ATP2C1: variants seen among roughly 807,000 people sequenced by gnomAD.
The protein encoded by ATP2C1 is calcium-transporting ATPase type 2C member 1.
In ATP2C1, 31 loss-of-function variants were observed where a neutral mutation model predicts 120.5. The observed-to-expected ratio is 0.26, with a 90% CI of 0.19 to 0.35. The LOEUF (loss-of-function observed/expected upper bound fraction) is 0.35, where lower values mean the gene tolerates loss of function less well. Ranked by LOEUF, ATP2C1 falls within the 10% of genes least tolerant of loss-of-function variation. The pLI, the probability that ATP2C1 is intolerant of heterozygous loss-of-function variation, is 1.00. For synonymous variants in ATP2C1, 351 were observed against 358.7 expected (o/e 0.98, Z 0.24); for missense variants, 731 against 1,107.5 (o/e 0.66, Z 4.83).
At position 130,999,512 on chromosome 3, in the gene ATP2C1, C is replaced by T. The variant is rs773388844; in HGVS notation, c.2488-6C>T. The T allele has an allele frequency of 8.7e-6, 14 of 1,613,206 alleles. No homozygotes were observed. Among genetic ancestry groups the T allele is most frequent in the Admixed American group, 5.0e-5 (3 of 59,992 alleles). The stretch of plus-strand genomic sequence containing the variant: ...GTAATAAATGAACTCTCTGCTCTGC[C>T]AACAGACCAAGTCTGTGTTTGAGAT... On this transcript the variant is annotated splice_polypyrimidine_tract_variant and splice_region_variant and intron_variant, in intron 26 of 27. Transcript: ENST00000510168.
chr3:130,903,036 C>T (rs1176188834), intron 2 of ATP2C1, among the ~76,000 whole-genome samples: 1 of 151,882 alleles, frequency 6.6e-6, no homozygotes, highest in African/African-American at 2.4e-5. Context: ...GGAAAAAAAC[C>T]GGTTTACTCT....
intron 8 of ATP2C1, among the ~76,000 whole-genome samples, chr3:130,946,229 AGTT>A (rs1394510619): frequency 6.6e-6 from 1 of 152,228 alleles, no homozygotes; most frequent in East Asian, 1.9e-4. Context: ...TTCTATTAGG[AGTT>A]AGGGTCTAAC....
chr3:130,975,768 G>A (rs924419803), intron 18 of ATP2C1, among the ~76,000 whole-genome samples: 1 of 152,138 alleles, frequency 6.6e-6, no homozygotes, highest in African/African-American at 2.4e-5. Flanking sequence ...TATGAGAAGG[G>A]AAATGGATCG....
At position 130,894,443 on chromosome 3, in the gene ATP2C1, GC is replaced by G. The variant is rs1559889982; in HGVS notation, c.-181+110del. The G allele has an allele frequency of 7.7e-7, 1 of 1,302,758 alleles. No homozygotes were observed. The highest frequency in any genetic ancestry group is 1.7e-5 in the South Asian group (1 of 59,902). The allele number at this position is 1,302,758 out of a possible 1,614,324, so 80.7% of individuals were successfully genotyped here. A position where few individuals can be genotyped will look rare whatever the true frequency, so the allele number is the denominator to read the frequency against. ...GATGGGGGGGCATCTCTAGGGCGCC[GC>G]CCCGCTGGCGTGAGCTGGGGACGTT... On this transcript the variant is annotated intron_variant, in intron 1 of 27. Transcript: ENST00000510168. This position sits in a 1 kb window ranked among gnomAD's most constrained non-coding sequence, Gnocchi z 4.5.
At chr3:130,962,745 GAAA>G (rs1272425484) in intron 12 of ATP2C1, among the ~76,000 whole-genome samples, 2 of 138,744 alleles carry the variant, frequency 1.4e-5, no homozygotes, top group African/African-American at 5.4e-5. Context: ...AAAGAAAAAA[GAAA>G]AAAAAGGATT....
intron 20 of ATP2C1, among the ~76,000 whole-genome samples, chr3:130,981,693 T>G (rs984188468): frequency 3.9e-5 from 6 of 152,184 alleles, no homozygotes; most frequent in Admixed American, 2.6e-4. Flanking sequence ...CTGGAACTTC[T>G]AATAGTCCTG....
Position 130,894,869 on chromosome 3 carries a change from T to A in ATP2C1, c.6+94T>A. Reference sequence around the variant, plus strand: ...TTGTTTTTCCACCTTTTTATTTTCGTGAGCTTATTTATTTACTGTGTATGT... The same window carrying A: ...TTGTTTTTCCACCTTTTTATTTTCGAGAGCTTATTTATTTACTGTGTATGT... On this transcript the variant is annotated intron_variant, in intron 2 of 27. Coordinates refer to ENST00000510168, the MANE Select transcript of ATP2C1 (RefSeq NM_001378687.1). The surrounding 1 kb of genome is among the most constrained non-coding windows in gnomAD (Gnocchi z 4.5). 7.8e-7 allele frequency: 1 copy of A among 1,289,430 alleles called. No homozygotes were observed. Among genetic ancestry groups the A allele is most frequent in the Non-Finnish European group, 1.1e-6 (1 of 884,304 alleles). 79.9% of individuals were successfully genotyped at this position (1,289,430 alleles called of 1,614,324 possible). A position where few individuals can be genotyped will look rare whatever the true frequency, so the allele number is the denominator to read the frequency against.
At chr3:130,940,746 G>T in intron 7 of ATP2C1, 55 bp downstream of exon 7, 1 of 1,283,608 alleles carries the variant, frequency 7.8e-7, no homozygotes. Flanking sequence ...GAAGTTGAAT[G>T]TGACTAGTAC....
intron 8 of ATP2C1, 80 bp from the exon 9 acceptor site, chr3:130,953,741 A>G (rs984998776): frequency 1.7e-5 from 25 of 1,444,424 alleles, no homozygotes; most frequent in African/African-American, 4.2e-5. Context: ...TGTTTGAGGA[A>G]GAAGTGATGA....
intron 2 of ATP2C1, chr3:130,918,178 A>C: frequency 9.4e-7 from 1 of 1,064,592 alleles, no homozygotes; most frequent in Non-Finnish European, 1.5e-6. Flanking sequence ...TAGATTATGA[A>C]GAGATTCTCA....
chr3:131,014,231 T>C (rs763425177), intron 26 of ATP2C1: 2 of 1,613,938 alleles, frequency 1.2e-6, no homozygotes, highest in Non-Finnish European at 1.7e-6. Flanking sequence ...ATCTACCTTT[T>C]GGTAGGAATA....
chr3:131,005,619 A>G (rs184072980), downstream of ATP2C1, among the ~76,000 whole-genome samples: 333 of 152,338 alleles, frequency 2.2e-3, 4 homozygotes, highest in East Asian at 7.7e-4. Flanking sequence ...GGATGTGTTA[A>G]TCAAAGCTAT....
At chr3:130,897,459 A>G (rs2069731438) in intron 2 of ATP2C1, among the ~76,000 whole-genome samples, 2 of 152,314 alleles carry the variant, frequency 1.3e-5, no homozygotes, top group South Asian at 2.1e-4. Context: ...CGCCAGAGCA[A>G]TGTTTGACAT....
intron 2 of ATP2C1, among the ~76,000 whole-genome samples, chr3:130,903,728 TTTC>T (rs1270897384): frequency 4.0e-5 from 6 of 150,706 alleles, no homozygotes; most frequent in Admixed American, 4.0e-4. Flanking sequence ...TTTCCTTTCC[TTTC>T]CTTTCCATCT....
Position 130,994,105 on chromosome 3 carries a change from T to A in ATP2C1, c.2057+7T>A, listed in dbSNP as rs368071107. The A allele has an allele frequency of 2.3e-4, 371 of 1,613,926 alleles. No individual in the cohort carries two copies. Among genetic ancestry groups the A allele is most frequent in the Non-Finnish European group, 2.9e-4 (342 of 1,179,936 alleles). ...ATGATTTTCAAACCATAATGTAAGC[T>A]TTGTTTCAGTGAATGCCTATCAGAG... On this transcript the variant is annotated splice_region_variant and intron_variant, in intron 22 of 27. Coordinates refer to ENST00000510168, the MANE Select transcript of ATP2C1 (RefSeq NM_001378687.1).
At chr3:130,850,845 A>G (rs1267304890) in exon 1 of ATP2C1, 1 of 1,452,232 alleles carries the variant, frequency 6.9e-7, no homozygotes, top group Middle Eastern at 1.7e-4. Flanking sequence ...GCCTCCATCT[A>G]GATTCTCTTA....
chr3:130,867,346 C>T (rs541938942), intron 1 of ATP2C1, among the ~76,000 whole-genome samples: 1 of 151,434 alleles, frequency 6.6e-6, no homozygotes, highest in Admixed American at 6.6e-5. Flanking sequence ...CTCACGGTCT[C>T]CCTCTGATGC....
In ATP2C1 at chr3:130,945,461, C is replaced by T. The variant is rs560752204; in HGVS notation, c.531+3762C>T. On this transcript the variant is annotated intron_variant, in intron 8 of 27. Transcript: ENST00000510168. ...ACAAGTGCCATGTTGGTGTGCAGCA[C>T]CCATTAACTTGTCATTTACATTAGA... 2.4e-3 allele frequency among the ~76,000 whole-genome samples: 360 copies of T among 151,232 alleles called. 2 individuals carry two copies. The highest frequency in any genetic ancestry group is 4.0e-3 in the Non-Finnish European group (273 of 67,892).
chr3:131,005,109 CTTTTTTTTT>C (rs35129703), downstream of ATP2C1, among the ~76,000 whole-genome samples: 2 of 92,640 alleles, frequency 2.2e-5, no homozygotes, highest in South Asian at 7.7e-4. Flanking sequence ...TTTGAATTGT[CTTTTTTTTT>C]TTTTTTTTTT....
Sources: gnomAD v4.1 joint callset for allele counts (sites outside exome capture counted in the v4.1 genomes callset) on GRCh38, gnomAD v4.1.1 for gene constraint, Gnocchi (gnomAD v3.1) non-coding constraint, MANE v1.5 for transcripts, NCBI Gene and HGNC (gene_info 2026-07-23, HGNC 2026-07-21) for gene names.